Variants in SEMA4D observed in about 807,000 individuals in gnomAD.
The protein encoded by SEMA4D is semaphorin 4D, also known as semaphorin-4D.
Under a neutral mutation model 74.8 loss-of-function variants are expected in SEMA4D, and 22 were observed. That is an observed-to-expected ratio of 0.29 (90% CI 0.21 to 0.42). SEMA4D has a LOEUF of 0.42. Among genes scored for constraint, SEMA4D ranks in the 10% least tolerant of loss-of-function variants. The pLI, the probability that SEMA4D is intolerant of heterozygous loss-of-function variation, is 1.00. For missense variants in SEMA4D, 937 were observed against 1,118.4 expected, an observed-to-expected ratio of 0.84 and a Z score of 2.31; for synonymous variants, 445 against 463.7, an observed-to-expected ratio of 0.96 and a Z score of 0.52.
chr9:89,413,867 T>C (rs1845090472), intron 2 of SEMA4D, among the ~76,000 whole-genome samples: 1 of 152,256 alleles, frequency 6.6e-6, no homozygotes, highest in African/African-American at 2.4e-5. Context: ...TCTGTGTATG[T>C]GTACGCAGAC....
intron 2 of SEMA4D, among the ~76,000 whole-genome samples, chr9:89,453,400 C>G (rs1460649702): frequency 6.6e-6 from 1 of 152,364 alleles, no homozygotes; most frequent in East Asian, 1.9e-4. Context: ...AGCATTGTAT[C>G]CTGTGGCTCT....
chr9:89,368,714 C>T (rs982811043), intron 16 of SEMA4D: 1 of 152,340 alleles, frequency 6.6e-6, no homozygotes, highest in Non-Finnish European at 1.5e-5. Flanking sequence ...ACGTTTCACT[C>T]TGGTATGCTC....
At chr9:89,386,311 A>G in intron 13 of SEMA4D, 56 bp downstream of exon 13, 1 of 1,373,696 alleles carries the variant, frequency 7.3e-7, no homozygotes. Context: ...CCTGTCACCT[A>G]GAATCAAAGC....
chr9:89,449,132 C>T (rs1853698819), intron 2 of SEMA4D, among the ~76,000 whole-genome samples: 1 of 152,210 alleles, frequency 6.6e-6, no homozygotes, highest in Non-Finnish European at 1.5e-5. Context: ...ACTGAAAGCA[C>T]AGGCCCGGGA....
At chr9:89,369,927 G>A (rs796563417) in intron 16 of SEMA4D, among the ~76,000 whole-genome samples, 4 of 151,734 alleles carry the variant, frequency 2.6e-5, no homozygotes, top group South Asian at 2.1e-4. Flanking sequence ...TGTGGGTAGC[G>A]TGCATGTGTC....
At position 89,406,447 on chromosome 9, in the gene SEMA4D, T is replaced by C. The variant is rs113549336; in HGVS notation, c.-243-748A>G. Reference sequence around the variant, plus strand: ...CTTAGTGAAATTGTGGGGCTGGTGGTGGGAGAGGCATGCACAGGCCTCCTG... The same window carrying C: ...CTTAGTGAAATTGTGGGGCTGGTGGCGGGAGAGGCATGCACAGGCCTCCTG... On this transcript the variant is annotated intron_variant, in intron 2 of 15. Transcript: ENST00000422704. Among the ~76,000 whole-genome samples, 3 of 152,306 alleles carry C rather than the reference T, an allele frequency of 2.0e-5. 1 individual carries two copies. The highest frequency in any genetic ancestry group is 7.2e-5 in the African/African-American group (3 of 41,568).
intron 2 of SEMA4D, among the ~76,000 whole-genome samples, chr9:89,423,004 G>A: frequency 6.6e-6 from 1 of 152,154 alleles, no homozygotes; most frequent in East Asian, 1.9e-4. Context: ...CTTAAACAGA[G>A]GCTCAGGGCT....
At chr9:89,424,790 C>T in intron 2 of SEMA4D, among the ~76,000 whole-genome samples, 1 of 152,164 alleles carries the variant, frequency 6.6e-6, no homozygotes, top group East Asian at 1.9e-4. Flanking sequence ...GGGAATGACA[C>T]CACATTCTAA....
At chr9:89,374,085 C>A (rs980060303), downstream of SEMA4D, among the ~76,000 whole-genome samples, 6 of 152,212 alleles carry the variant, frequency 3.9e-5, no homozygotes, top group Admixed American at 1.3e-4. Flanking sequence ...CAGGCTGTGG[C>A]CTCAGTGGAA....
intron 1 of SEMA4D, among the ~76,000 whole-genome samples, chr9:89,471,115 C>T (rs1354090700): frequency 5.9e-5 from 9 of 152,028 alleles, no homozygotes; most frequent in Non-Finnish European, 1.5e-5. Context: ...TTTAAAATAC[C>T]TTTATTTTTA....
intron 16 of SEMA4D, among the ~76,000 whole-genome samples, chr9:89,370,697 T>C (rs564169702): frequency 6.7e-6 from 1 of 148,462 alleles, no homozygotes; most frequent in African/African-American, 2.5e-5. Context: ...TGGTGTGTGG[T>C]ATGTGGCTAG....
rs1017865788 is a variant in SEMA4D at position 89,463,002 on chromosome 9, A to G, written c.-309-7049T>C. Among the ~76,000 whole-genome samples, 34 of 75,886 alleles carry G rather than the reference A, an allele frequency of 4.5e-4. 1 individual carries two copies. Among genetic ancestry groups the G allele is most frequent in the Admixed American group, 3.5e-3 (26 of 7,372 alleles). 49.8% of individuals were successfully genotyped at this position (75,886 alleles called of 152,430 possible). A position where few individuals can be genotyped will look rare whatever the true frequency, so the allele number is the denominator to read the frequency against. On this transcript the variant is annotated intron_variant, in intron 1 of 15. Transcript: ENST00000422704. ...AGCGAGGGAGAAAGAGAGGCATGTA[A>G]GAGAACACAGAAAAGGGAAACAGAA...
At position 89,472,007 on chromosome 9, in the gene SEMA4D, T is replaced by C. The variant is rs559450025; in HGVS notation, c.-309-16054A>G. 4.6e-5 allele frequency among the ~76,000 whole-genome samples: 7 copies of C among 152,342 alleles called. 1 individual carries two copies. The highest frequency in any genetic ancestry group is 1.0e-4 in the Non-Finnish European group (7 of 68,034). On this transcript the variant is annotated intron_variant, in intron 1 of 15. Coordinates refer to ENST00000422704, the MANE Select transcript of SEMA4D (RefSeq NM_001371194.2). ...CAGCTAGGGTGCATGCTGACTCAGA[T>C]GCATACAGGCTGAGGTGCATGCCAG...
intron 2 of SEMA4D, among the ~76,000 whole-genome samples, chr9:89,408,701 G>A (rs556202331): frequency 2.0e-5 from 3 of 152,288 alleles, no homozygotes; most frequent in Admixed American, 2.0e-4. Context: ...GGCAGGCAGG[G>A]CCTTGGAAAG....
chr9:89,424,749 G>A (rs535844391), intron 2 of SEMA4D, among the ~76,000 whole-genome samples: 19 of 151,498 alleles, frequency 1.3e-4, no homozygotes, highest in African/African-American at 3.6e-4. Flanking sequence ...TCCCTCCTGT[G>A]AGGCCTCCAC....
At chr9:89,376,769 C>T (rs562859941), downstream of SEMA4D, 25 of 1,504,986 alleles carry the variant, frequency 1.7e-5, no homozygotes, top group South Asian at 6.3e-5. Flanking sequence ...TGCCCCCGCC[C>T]GCCCCCCACC....
At chr9:89,405,750 G>C (rs1342589524) in intron 2 of SEMA4D, 51 bp from the exon 3 acceptor site, 2 of 1,369,390 alleles carry the variant, frequency 1.5e-6, no homozygotes, top group African/African-American at 1.5e-5. Context: ...GTGATGACCT[G>C]CTTCTCACTG....
intron 16 of SEMA4D, among the ~76,000 whole-genome samples, chr9:89,372,165 G>T: frequency 1.6e-5 from 1 of 60,808 alleles, no homozygotes; most frequent in South Asian, 7.3e-4. Flanking sequence ...GTGTGTGTGT[G>T]GGGGGTGTGA....
chr9:89,452,913 CT>C (rs1854970344), intron 2 of SEMA4D, among the ~76,000 whole-genome samples: 2 of 152,296 alleles, frequency 1.3e-5, no homozygotes, highest in East Asian at 3.9e-4. Context: ...GCACAGGACC[CT>C]GAGTGCCCAT....
Sources: gnomAD v4.1 joint callset for allele counts (sites outside exome capture counted in the v4.1 genomes callset) on GRCh38, gnomAD v4.1.1 for gene constraint, MANE v1.5 for transcripts, NCBI Gene and HGNC (gene_info 2026-07-23, HGNC 2026-07-21) for gene names.